PKHD1: variants seen among roughly 807,000 people sequenced by gnomAD.
PKHD1 encodes fibrocystin.
PKHD1 carries 291 observed loss-of-function variants against 412.0 expected under a neutral mutation model. The ratio of observed to expected loss-of-function variants is 0.71; its 90% CI spans 0.64 to 0.78. The LOEUF (loss-of-function observed/expected upper bound fraction) is 0.78, where lower values mean the gene tolerates loss of function less well. PKHD1 is among the 30% of genes least tolerant of loss of function. The probability of loss-of-function intolerance (pLI) is 0.00; values close to 1 mark genes in which losing one functional copy is unlikely to be tolerated. For missense variants in PKHD1, 4,825 were observed against 4,950.7 expected, an observed-to-expected ratio of 0.97 and a Z score of 0.76; for synonymous variants, 1,777 against 1,821.5, an observed-to-expected ratio of 0.98 and a Z score of 0.62.
intron 60 of PKHD1, among the ~76,000 whole-genome samples, chr6:51,731,288 T>C (rs1783205401): frequency 6.6e-6 from 1 of 152,168 alleles, no homozygotes; most frequent in Admixed American, 6.5e-5. Flanking sequence ...TTTATTATTA[T>C]GGCAAAAAAA....
At chr6:51,637,607 A>T (rs2784225) in intron 64 of PKHD1, among the ~76,000 whole-genome samples, 3,846 of 143,066 alleles carry the variant, frequency 0.027, 176 homozygotes, top group African/African-American at 0.089. Flanking sequence ...CTTTTTGTTA[A>T]AAAAAAAAAA....
At chr6:51,768,083 T>C (rs1312568158) in intron 55 of PKHD1, among the ~76,000 whole-genome samples, 1 of 152,202 alleles carries the variant, frequency 6.6e-6, no homozygotes, top group Non-Finnish European at 1.5e-5. Context: ...ATGAGCATTT[T>C]TTCATGTGTT....
At chr6:51,787,633 G>A (rs886758198) in intron 53 of PKHD1, among the ~76,000 whole-genome samples, 1 of 152,170 alleles carries the variant, frequency 6.6e-6, no homozygotes, top group Non-Finnish European at 1.5e-5. Flanking sequence ...CTTTAGGCCT[G>A]GAACACATGG....
chr6:51,824,461 G>A (rs1033124256), intron 52 of PKHD1, among the ~76,000 whole-genome samples: 3 of 152,092 alleles, frequency 2.0e-5, no homozygotes, highest in East Asian at 1.9e-4. Flanking sequence ...GTGAGGACAC[G>A]ACTTTGACAT....
At chr6:51,898,022 G>A (rs1402144243) in intron 43 of PKHD1, among the ~76,000 whole-genome samples, 1 of 148,066 alleles carries the variant, frequency 6.8e-6, no homozygotes, top group East Asian at 2.0e-4. Flanking sequence ...AGCAAGTCCT[G>A]AGTGACCTAC....
chr6:51,935,950 T>C (rs539807305), intron 36 of PKHD1, among the ~76,000 whole-genome samples: 48 of 152,314 alleles, frequency 3.2e-4, no homozygotes, highest in African/African-American at 1.1e-3. Flanking sequence ...CTCTCCAGTC[T>C]ATATAAAATA....
chr6:51,697,064 C>T (rs59654338), intron 60 of PKHD1, among the ~76,000 whole-genome samples: 2,658 of 152,090 alleles, frequency 0.017, 97 homozygotes, highest in African/African-American at 0.061. Flanking sequence ...TGACACGCAC[C>T]TGATGTCCCA....
chr6:51,700,146 G>A (rs1447295292), intron 60 of PKHD1, among the ~76,000 whole-genome samples: 1 of 151,952 alleles, frequency 6.6e-6, no homozygotes, highest in Non-Finnish European at 1.5e-5. Context: ...ATTACCAAGT[G>A]TTCCTGAGAA....
chr6:51,992,076 T>C (rs773309632), intron 35 of PKHD1, among the ~76,000 whole-genome samples: 2 of 152,238 alleles, frequency 1.3e-5, no homozygotes, highest in Non-Finnish European at 2.9e-5. Context: ...GACAAGCTTC[T>C]AAGCATTTCT....
At chr6:51,702,890 A>ATTTTTTT (rs11447702) in intron 60 of PKHD1, among the ~76,000 whole-genome samples, 1 of 138,264 alleles carries the variant, frequency 7.2e-6, no homozygotes, top group Non-Finnish European at 1.6e-5. Context: ...TCAGAAATCA[A>ATTTTTTT]TTTTTTTTTT....
At position 51,882,299 on chromosome 6, in the gene PKHD1, A is replaced by G. The variant is rs574693688; in HGVS notation, c.7350+794T>C. On this transcript the variant is annotated intron_variant, in intron 46 of 66. Transcript: ENST00000371117. Reference sequence around the variant, plus strand: ...TTTATCTCCTGAAAAGTATAGTTCAAAGGAGATTTTACTAAGAAAAGTTGA... The same window carrying G: ...TTTATCTCCTGAAAAGTATAGTTCAGAGGAGATTTTACTAAGAAAAGTTGA... 3.8e-4 allele frequency among the ~76,000 whole-genome samples: 58 copies of G among 152,362 alleles called. 1 individual carries two copies. Among genetic ancestry groups the G allele is most frequent in the African/African-American group, 1.3e-3 (54 of 41,584 alleles).
intron 51 of PKHD1, 42 bp downstream of exon 51, chr6:51,836,362 T>A (rs370174953): frequency 1.5e-6 from 2 of 1,291,848 alleles, no homozygotes; most frequent in African/African-American, 2.9e-5. Context: ...TGGAGGACAT[T>A]CTGCCATACT....
chr6:52,023,577 T>C (rs1413095045), intron 32 of PKHD1, among the ~76,000 whole-genome samples: 1 of 152,200 alleles, frequency 6.6e-6, no homozygotes, highest in Non-Finnish European at 1.5e-5. Flanking sequence ...TAACTGTACA[T>C]GTTTTGGGAC....
At chr6:51,744,326 C>T (rs896539617) in intron 60 of PKHD1, 59 bp downstream of exon 60, 2 of 1,467,368 alleles carry the variant, frequency 1.4e-6, no homozygotes, top group Non-Finnish European at 1.9e-6. Context: ...ACAGCAAAAC[C>T]AGCTCCTTCA....
chr6:51,662,573 TAATC>T (rs1773037887), intron 60 of PKHD1, among the ~76,000 whole-genome samples: 1 of 151,688 alleles, frequency 6.6e-6, no homozygotes, highest in South Asian at 2.1e-4. Context: ...AGAAAGGAAA[TAATC>T]AATATGATTG....
At chr6:51,672,229 G>A (rs1775117887) in intron 60 of PKHD1, among the ~76,000 whole-genome samples, 1 of 152,044 alleles carries the variant, frequency 6.6e-6, no homozygotes, top group South Asian at 2.1e-4. Context: ...ATATAGAAGT[G>A]ATTAGGAACC....
intron 25 of PKHD1, among the ~76,000 whole-genome samples, chr6:52,044,025 A>G (rs1328825892): frequency 6.6e-6 from 1 of 152,224 alleles, no homozygotes; most frequent in East Asian, 1.9e-4. Context: ...CTTAAACTGC[A>G]TAAGGACTTC....
intron 15 of PKHD1, among the ~76,000 whole-genome samples, chr6:52,059,253 C>CTTTTTTTT (rs1282772885): frequency 1.0e-5 from 1 of 98,276 alleles, no homozygotes; most frequent in African/African-American, 3.8e-5. Flanking sequence ...TTTTCTTTTT[C>CTTTTTTTT]TTTTTCTTTT....
chr6:51,996,570 G>T (rs574223951), intron 35 of PKHD1, among the ~76,000 whole-genome samples: 76 of 152,282 alleles, frequency 5.0e-4, no homozygotes, highest in African/African-American at 1.8e-3. Context: ...CTGAAGATAT[G>T]TGTGTTTTAT....
Sources: gnomAD v4.1 joint callset for allele counts (sites outside exome capture counted in the v4.1 genomes callset) on GRCh38, gnomAD v4.1.1 for gene constraint, MANE v1.5 for transcripts, NCBI Gene and HGNC (gene_info 2026-07-23, HGNC 2026-07-21) for gene names.